MAD1L1: variants seen among roughly 807,000 people sequenced by gnomAD.
MAD1L1 encodes mitotic arrest deficient 1 like 1.
Under a neutral mutation model 96.9 loss-of-function variants are expected in MAD1L1, and 95 were observed. The observed-to-expected ratio is 0.98, with a 90% CI of 0.83 to 1.16. MAD1L1 has a LOEUF of 1.16. Among genes scored for constraint, MAD1L1 ranks in the 50% most tolerant of loss-of-function variants. The pLI is 0.00. For missense variants in MAD1L1, 1,007 were observed against 954.4 expected (o/e 1.06, Z -0.73); for synonymous variants, 473 against 396.6 (o/e 1.19, Z -2.29).
intron 14 of MAD1L1, among the ~76,000 whole-genome samples, chr7:1,994,328 G>A (rs952733343): frequency 6.6e-6 from 1 of 152,162 alleles, no homozygotes; most frequent in Non-Finnish European, 1.5e-5. Flanking sequence ...GCAGCAGCAC[G>A]GGTCCAGCTC....
In MAD1L1 at chr7:2,225,460, C is replaced by G. The variant is rs569382170; in HGVS notation, c.241G>C (p.Ala81Pro). 3.7e-6 allele frequency: 6 copies of G among 1,614,042 alleles called. No individual in the cohort carries two copies. The highest frequency in any genetic ancestry group is 4.2e-6 in the Non-Finnish European group (5 of 1,180,052). Residue 81 changes from alanine (A) to proline (P), a missense_variant, in exon 4 of 19, where the codon GCT (alanine) becomes CCT (proline). Coordinates refer to ENST00000265854, the MANE Select transcript of MAD1L1 (RefSeq NM_001013836.2). The stretch of plus-strand genomic sequence containing the variant: ...GCTGCTCTCTCCAGCTCCACTCGAG[C>G]CCTCTTGTGACTCAGCTCCATCTGC... ...KMQMELSHKR[A>P]RVELERAAST...
chr7:2,010,844 G>T (rs547122198), intron 13 of MAD1L1, among the ~76,000 whole-genome samples: 1 of 152,204 alleles, frequency 6.6e-6, no homozygotes, highest in African/African-American at 2.4e-5. Context: ...GCAGGGCCGG[G>T]CAAGCTTCCA....
rs547059527 is a variant in MAD1L1 at position 2,212,953 on chromosome 7, G to A, written c.986+259C>T. Among the ~76,000 whole-genome samples, 53 of 152,322 alleles carry A rather than the reference G, an allele frequency of 3.5e-4. No homozygotes were observed. In the East Asian group the frequency reaches 5.4e-3, roughly 16 times the overall value. On this transcript the variant is annotated intron_variant, in intron 10 of 18. Coordinates refer to ENST00000265854, the MANE Select transcript of MAD1L1 (RefSeq NM_001013836.2). Reference sequence around the variant, plus strand: ...GCCCCGCAACGCAGGGCAATCAGACGCCTGCCACTGGTTTGCTGTGGATAT... The same window carrying A: ...GCCCCGCAACGCAGGGCAATCAGACACCTGCCACTGGTTTGCTGTGGATAT...
intron 17 of MAD1L1, among the ~76,000 whole-genome samples, chr7:1,902,178 CCTCCTGGAATCACAGGAGGCAGCTGT>C (rs1196947769): frequency 2.0e-5 from 3 of 152,188 alleles, no homozygotes; most frequent in African/African-American, 7.2e-5. Context: ...ACACCTGCCT[CCTCCTGGAATCACAGGAGGCAGCTGT>C]GAAGAGGACA....
intron 17 of MAD1L1, among the ~76,000 whole-genome samples, chr7:1,928,311 G>A (rs1208650966): frequency 1.9e-5 from 1 of 52,086 alleles, no homozygotes; most frequent in African/African-American, 7.4e-5. Flanking sequence ...CACTGCTCCC[G>A]ACGACCCGCC....
At chr7:1,817,423 C>G (rs1384198400) in intron 18 of MAD1L1, 2 of 152,318 alleles carry the variant, frequency 1.3e-5, no homozygotes, top group Non-Finnish European at 2.9e-5. Flanking sequence ...GGAACCAGCC[C>G]TCAACCGCCG....
intron 10 of MAD1L1, among the ~76,000 whole-genome samples, chr7:2,150,309 C>T (rs1032126430): frequency 6.6e-6 from 1 of 152,174 alleles, no homozygotes; most frequent in African/African-American, 2.4e-5. Context: ...GAGAGGCACA[C>T]TGCAACCACG....
intron 18 of MAD1L1, among the ~76,000 whole-genome samples, chr7:1,851,681 G>A (rs1422358866): frequency 6.6e-6 from 1 of 152,188 alleles, no homozygotes; most frequent in African/African-American, 2.4e-5. Flanking sequence ...GGTCCACACA[G>A]GGGAAGGTGC....
chr7:1,819,091 C>T (rs770669471), intron 18 of MAD1L1, among the ~76,000 whole-genome samples: 14 of 152,152 alleles, frequency 9.2e-5, no homozygotes, highest in Non-Finnish European at 1.0e-4. Context: ...TGAGTGGCGC[C>T]GGGCCCATCC....
intron 12 of MAD1L1, among the ~76,000 whole-genome samples, chr7:2,057,140 G>T: frequency 6.6e-6 from 1 of 152,242 alleles, no homozygotes; most frequent in Non-Finnish European, 1.5e-5. Flanking sequence ...CCCACCTAGA[G>T]AGGGGCCCTT....
intron 18 of MAD1L1, among the ~76,000 whole-genome samples, chr7:1,831,713 G>A (rs1782711678): frequency 6.6e-6 from 1 of 152,184 alleles, no homozygotes; most frequent in Non-Finnish European, 1.5e-5. Context: ...TGCTAATATG[G>A]AGACGGTAAA....
At chr7:2,182,207 T>C (rs761669130) in intron 10 of MAD1L1, among the ~76,000 whole-genome samples, 1 of 152,134 alleles carries the variant, frequency 6.6e-6, no homozygotes, top group Non-Finnish European at 1.5e-5. Flanking sequence ...GAAATAATTT[T>C]TTGTCCCACA....
chr7:2,139,443 C>T (rs1788917644), intron 11 of MAD1L1, among the ~76,000 whole-genome samples: 1 of 152,220 alleles, frequency 6.6e-6, no homozygotes. Context: ...CCAGCCATGC[C>T]CCCAGGGCCA....
intron 18 of MAD1L1, among the ~76,000 whole-genome samples, chr7:1,839,307 G>A (rs1454485966): frequency 6.6e-6 from 1 of 151,866 alleles, no homozygotes; most frequent in Non-Finnish European, 1.5e-5. Flanking sequence ...GTCCCAGGGA[G>A]GGCTCTGCCT....
intron 3 of MAD1L1, among the ~76,000 whole-genome samples, chr7:2,229,279 G>A (rs1794074329): frequency 6.6e-6 from 1 of 152,034 alleles, no homozygotes; most frequent in Non-Finnish European, 1.5e-5. Context: ...GGCAAGGCTG[G>A]AGACACTACT....
intron 11 of MAD1L1, among the ~76,000 whole-genome samples, chr7:2,133,415 T>C (rs1275770295): frequency 6.6e-6 from 1 of 152,270 alleles, no homozygotes; most frequent in African/African-American, 2.4e-5. Flanking sequence ...ACCACTGAGT[T>C]TGAAGAGTTC....
chr7:1,937,378 G>C (rs989163739), intron 16 of MAD1L1, among the ~76,000 whole-genome samples: 1 of 152,212 alleles, frequency 6.6e-6, no homozygotes, highest in Non-Finnish European at 1.5e-5. Context: ...AGGCAAGGGA[G>C]CCTGGCATCA....
chr7:2,116,108 G>A (rs190889353), intron 11 of MAD1L1, among the ~76,000 whole-genome samples: 2 of 152,362 alleles, frequency 1.3e-5, no homozygotes, highest in East Asian at 3.9e-4. Flanking sequence ...AGAAAAAGCT[G>A]AAGGGCGTGA....
intron 11 of MAD1L1, among the ~76,000 whole-genome samples, chr7:2,079,091 G>C (rs746586417): frequency 6.6e-6 from 1 of 152,238 alleles, no homozygotes; most frequent in African/African-American, 2.4e-5. Flanking sequence ...CTGAAGACTC[G>C]GGTTCAAGTC....
Sources: gnomAD v4.1 joint callset for allele counts (sites outside exome capture counted in the v4.1 genomes callset) on GRCh38, gnomAD v4.1.1 for gene constraint, MANE v1.5 for transcripts, NCBI Gene and HGNC (gene_info 2026-07-23, HGNC 2026-07-21) for gene names.